FGF1: variants seen among roughly 807,000 people sequenced by gnomAD.
FGF1 encodes beta-endothelial cell growth factor.
In FGF1, 9 loss-of-function variants were observed where a neutral mutation model predicts 13.4. That is an observed-to-expected ratio of 0.67 (90% CI 0.40 to 1.17). The LOEUF (loss-of-function observed/expected upper bound fraction) is 1.17. Ranked by LOEUF, FGF1 falls within the 50% of genes most tolerant of loss-of-function variation. FGF1 has a pLI of 0.01. For synonymous variants in FGF1, 93 were observed against 79.0 expected (o/e 1.18, Z -0.94); for missense variants, 156 against 192.7 (o/e 0.81, Z 1.13).
At chr5:142,641,716 A>G (rs1189079006) in intron 1 of FGF1, among the ~76,000 whole-genome samples, 1 of 151,892 alleles carries the variant, frequency 6.6e-6, no homozygotes, top group Non-Finnish European at 1.5e-5. Context: ...ATTTTTACAG[A>G]TGATAAAACT....
chr5:142,631,240 A>G lies in FGF1; in HGVS notation c.-34-17079T>C, dbSNP rs146010790. On this transcript the variant is annotated intron_variant, in intron 1 of 3. Coordinates refer to ENST00000337706, the MANE Select transcript of FGF1 (RefSeq NM_000800.5). ...TTTTATAGAAAAAAGTGAAGCAAAT[A>G]TAGAGATAATTATTGATTCTTGCTC... 4.4e-3 allele frequency among the ~76,000 whole-genome samples: 667 copies of G among 152,352 alleles called. 25 individuals are homozygous for G. Among genetic ancestry groups the G allele is most frequent in the Admixed American group, 0.037 (560 of 15,306 alleles).
intron 1 of FGF1, among the ~76,000 whole-genome samples, chr5:142,620,101 T>A (rs1761221237): frequency 6.6e-6 from 1 of 151,812 alleles, no homozygotes; most frequent in Admixed American, 6.6e-5. Flanking sequence ...GAAAAATAGA[T>A]ACCAGACAAA....
chr5:142,599,232 C>T (rs1230310694), intron 3 of FGF1, among the ~76,000 whole-genome samples: 1 of 152,164 alleles, frequency 6.6e-6, no homozygotes, highest in Non-Finnish European at 1.5e-5. Flanking sequence ...CTTGGAAGAA[C>T]TACCTTAAAA....
At chr5:142,644,540 A>G (rs1433497352) in intron 1 of FGF1, among the ~76,000 whole-genome samples, 1 of 151,818 alleles carries the variant, frequency 6.6e-6, no homozygotes, top group Non-Finnish European at 1.5e-5. Context: ...GGTTCTCTGA[A>G]CTCTCCTTCT....
At chr5:142,664,143 CA>C (rs1341015158) in intron 1 of FGF1, among the ~76,000 whole-genome samples, 1 of 152,180 alleles carries the variant, frequency 6.6e-6, no homozygotes, top group African/African-American at 2.4e-5. Flanking sequence ...AGATGAGCCC[CA>C]GGGGGAGGAA....
chr5:142,682,164 C>T (rs1373927464), intron 1 of FGF1, among the ~76,000 whole-genome samples: 1 of 151,738 alleles, frequency 6.6e-6, no homozygotes, highest in Non-Finnish European at 1.5e-5. Context: ...CGGCTCGCTG[C>T]AAACTCTGCC....
chr5:142,633,368 A>G (rs1763671914), intron 1 of FGF1, among the ~76,000 whole-genome samples: 1 of 152,252 alleles, frequency 6.6e-6, no homozygotes, highest in Middle Eastern at 3.4e-3. Context: ...TACAGGCTTG[A>G]GTTCCATTTT....
chr5:142,657,571 G>A (rs1768391244), intron 1 of FGF1, among the ~76,000 whole-genome samples: 1 of 152,194 alleles, frequency 6.6e-6, no homozygotes, highest in Non-Finnish European at 1.5e-5. Context: ...GTTCTTTTTT[G>A]ACTTGACTTT....
chr5:142,617,215 A>C (rs746309805), intron 1 of FGF1, among the ~76,000 whole-genome samples: 6 of 152,174 alleles, frequency 3.9e-5, no homozygotes, highest in Admixed American at 2.6e-4. Flanking sequence ...AAATACAAAA[A>C]TTAGCCAGGT....
chr5:142,680,414 T>A (rs981994644), intron 1 of FGF1, among the ~76,000 whole-genome samples: 2 of 152,186 alleles, frequency 1.3e-5, no homozygotes, highest in Admixed American at 1.3e-4. Context: ...GAAAGGAGCG[T>A]GGTACTGACA....
At chr5:142,603,081 T>C (rs1033802818) in intron 2 of FGF1, among the ~76,000 whole-genome samples, 4 of 152,128 alleles carry the variant, frequency 2.6e-5, no homozygotes, top group Admixed American at 2.0e-4. Context: ...CTCCTAGGAA[T>C]GGTTAGCTCT....
intron 1 of FGF1, among the ~76,000 whole-genome samples, chr5:142,656,858 TG>T (rs1344380819): frequency 6.6e-6 from 1 of 152,144 alleles, no homozygotes; most frequent in Non-Finnish European, 1.5e-5. Context: ...GGGAGTGGGA[TG>T]GGGTGGCTGA....
chr5:142,683,879 AC>A (rs2152057157), intron 1 of FGF1, among the ~76,000 whole-genome samples: 2 of 149,370 alleles, frequency 1.3e-5, no homozygotes, highest in African/African-American at 4.9e-5. Flanking sequence ...TTTATCACAA[AC>A]CCTTGTAGCA....
At chr5:142,680,675 G>A (rs1773547150) in intron 1 of FGF1, 1 of 152,188 alleles carries the variant, frequency 6.6e-6, no homozygotes, top group Non-Finnish European at 1.5e-5. Context: ...TGTACCAAAT[G>A]TGCTGTTATT....
rs114916717 is a variant in FGF1, at chr5:142,653,722, G to A, written c.-35+32235C>T. ...CCTGTCTTCTACGACACCGGTTGGG[G>A]CTTAAATTCTACTTTTATTTTTGTA... On this transcript the variant is annotated intron_variant, in intron 1 of 3. Coordinates refer to ENST00000337706, the MANE Select transcript of FGF1 (RefSeq NM_000800.5). 3.3e-3 allele frequency among the ~76,000 whole-genome samples: 498 copies of A among 152,312 alleles called. 3 individuals carry two copies. The highest frequency in any genetic ancestry group is 0.011 in the African/African-American group (439 of 41,564).
chr5:142,686,399 G>A (rs1751223192), upstream of FGF1: 1 of 153,096 alleles, frequency 6.5e-6, no homozygotes, highest in Non-Finnish European at 1.5e-5. Context: ...GGCCAGCCAG[G>A]AGGGAGGTAG....
chr5:142,605,359 G>T (rs1027415312), intron 2 of FGF1, among the ~76,000 whole-genome samples: 2 of 150,972 alleles, frequency 1.3e-5, no homozygotes, highest in Non-Finnish European at 2.9e-5. Flanking sequence ...GACTTCAGGC[G>T]ATCCACCCCC....
At chr5:142,596,276 T>C (rs1172616082) in intron 3 of FGF1, among the ~76,000 whole-genome samples, 1 of 150,940 alleles carries the variant, frequency 6.6e-6, no homozygotes, top group South Asian at 2.1e-4. Flanking sequence ...TTGAGGCCAG[T>C]CTGGGCAACA....
At chr5:142,598,809 G>T (rs1392045960) in intron 3 of FGF1, among the ~76,000 whole-genome samples, 2 of 152,188 alleles carry the variant, frequency 1.3e-5, no homozygotes, top group African/African-American at 4.8e-5. Context: ...CACGGCTATG[G>T]TGGGAGAAGG....
Sources: gnomAD v4.1 joint callset for allele counts (sites outside exome capture counted in the v4.1 genomes callset) on GRCh38, gnomAD v4.1.1 for gene constraint, MANE v1.5 for transcripts, NCBI Gene and HGNC (gene_info 2026-07-23, HGNC 2026-07-21) for gene names.